FHOD3: variants seen among roughly 807,000 people sequenced by gnomAD.
FHOD3 encodes the protein formin homology 2 domain containing 3.
Under a neutral mutation model 173.0 loss-of-function variants are expected in FHOD3, and 90 were observed. The ratio of observed to expected loss-of-function variants is 0.52; its 90% CI spans 0.44 to 0.62. The LOEUF is 0.62. Ranked by LOEUF, FHOD3 falls within the 20% of genes least tolerant of loss-of-function variation. The pLI, the probability that FHOD3 is intolerant of heterozygous loss-of-function variation, is 0.00. For synonymous variants in FHOD3, 828 were observed against 823.0 expected, an observed-to-expected ratio of 1.01 and a Z score of -0.10; for missense variants, 1,945 against 2,034.7, an observed-to-expected ratio of 0.96 and a Z score of 0.85.
chr18:36,636,560 T>A (rs2034899118), intron 10 of FHOD3, among the ~76,000 whole-genome samples: 2 of 152,162 alleles, frequency 1.3e-5, no homozygotes, highest in South Asian at 4.2e-4. Context: ...AAAGACATGA[T>A]AGCTCAGTGA....
intron 14 of FHOD3, among the ~76,000 whole-genome samples, chr18:36,665,459 G>T (rs997209377): frequency 6.6e-6 from 1 of 152,158 alleles, no homozygotes; most frequent in Non-Finnish European, 1.5e-5. Context: ...AAAGAGAGAG[G>T]CAATCAAACT....
intron 1 of FHOD3, among the ~76,000 whole-genome samples, chr18:36,338,143 G>A (rs942773269): frequency 6.6e-6 from 1 of 152,254 alleles, no homozygotes; most frequent in African/African-American, 2.4e-5. Flanking sequence ...GAGAACATTA[G>A]TGTTATGTAC....
intron 1 of FHOD3, among the ~76,000 whole-genome samples, chr18:36,328,318 T>C (rs500871): frequency 0.77 from 117,125 of 151,920 alleles, 45,409 homozygotes; most frequent in Middle Eastern, 0.84. Flanking sequence ...TCCAACAGGG[T>C]GGGAGAGAGG....
intron 18 of FHOD3, among the ~76,000 whole-genome samples, chr18:36,715,304 C>T (rs1276831566): frequency 6.6e-6 from 1 of 152,226 alleles, no homozygotes; most frequent in Non-Finnish European, 1.5e-5. Context: ...GCGCTTCCCT[C>T]TTTGCTGGGC....
At chr18:36,719,791 G>C (rs1175421274) in intron 19 of FHOD3, among the ~76,000 whole-genome samples, 1 of 152,192 alleles carries the variant, frequency 6.6e-6, no homozygotes, top group East Asian at 1.9e-4. Context: ...GAGCCCTTCA[G>C]ACGAGGAGCA....
intron 23 of FHOD3, among the ~76,000 whole-genome samples, chr18:36,745,400 G>A (rs551805954): frequency 5.3e-5 from 8 of 152,168 alleles, no homozygotes; most frequent in African/African-American, 9.6e-5. Context: ...GCCTAAACTC[G>A]CCTTCTCTTT....
At chr18:36,313,750 G>A (rs533147600) in intron 1 of FHOD3, among the ~76,000 whole-genome samples, 2 of 152,282 alleles carry the variant, frequency 1.3e-5, no homozygotes, top group South Asian at 4.1e-4. Flanking sequence ...TAGAGATTTT[G>A]TGTGAACCTA....
chr18:36,353,534 A>ATGTGG (rs2046229080), intron 1 of FHOD3, among the ~76,000 whole-genome samples: 1 of 152,184 alleles, frequency 6.6e-6, no homozygotes, highest in Non-Finnish European at 1.5e-5. Flanking sequence ...AGATGTTTTA[A>ATGTGG]AGTAACCACA....
In FHOD3 at chr18:36,599,426, A is replaced by C. The variant is rs78706042; in HGVS notation, c.719-3248A>C. Among the ~76,000 whole-genome samples, 833 of 152,332 alleles carry C rather than the reference A, an allele frequency of 5.5e-3. 25 individuals carry two copies. The East Asian group carries it at 0.062, about 11-fold the overall frequency. The stretch of plus-strand genomic sequence containing the variant: ...ATCCCATCTCTACTTTCTGCTTAAG[A>C]GTATATCTATCTGTGAAGATCGTGT... On this transcript the variant is annotated intron_variant, in intron 7 of 28. Transcript: ENST00000590592.
At chr18:36,753,350 CAA>C (rs922967409) in intron 24 of FHOD3, among the ~76,000 whole-genome samples, 27 of 152,266 alleles carry the variant, frequency 1.8e-4, no homozygotes, top group Admixed American at 7.8e-4. Context: ...ACTAGAGTCA[CAA>C]GAGATGAAGT....
intron 17 of FHOD3, among the ~76,000 whole-genome samples, chr18:36,702,272 G>A (rs7239021): frequency 0.52 from 79,700 of 151,884 alleles, 21,114 homozygotes; most frequent in African/African-American, 0.56. Flanking sequence ...TAAACATCCT[G>A]CAGCTCATGA....
chr18:36,686,984 TA>T, intron 15 of FHOD3, 143 bp from the exon 16 acceptor site: 2 of 584,408 alleles, frequency 3.4e-6, no homozygotes, highest in Non-Finnish European at 3.0e-6. Flanking sequence ...TTTAAACTTT[TA>T]AAAATTCAGC....
At chr18:36,535,793 A>T (rs1281220880) in intron 5 of FHOD3, among the ~76,000 whole-genome samples, 1 of 152,078 alleles carries the variant, frequency 6.6e-6, no homozygotes, top group Non-Finnish European at 1.5e-5. Flanking sequence ...TTGCCAGTTT[A>T]TTTATATTAT....
chr18:36,658,044 T>C (rs780360330), intron 13 of FHOD3, 31 bp from the exon 14 acceptor site: 37 of 1,483,906 alleles, frequency 2.5e-5, no homozygotes, highest in Admixed American at 2.4e-4. Flanking sequence ...TCTATCCTTT[T>C]CCCCCCAACT....
intron 10 of FHOD3, among the ~76,000 whole-genome samples, chr18:36,645,975 G>T (rs997433896): frequency 1.4e-4 from 22 of 152,102 alleles, no homozygotes; most frequent in Non-Finnish European, 2.8e-4. Context: ...AAAAATCTAT[G>T]ACAAACCTTA....
chr18:36,495,239 C>A (rs939837970), intron 3 of FHOD3, among the ~76,000 whole-genome samples: 1 of 152,130 alleles, frequency 6.6e-6, no homozygotes, highest in Non-Finnish European at 1.5e-5. Flanking sequence ...CTGTGCCCGG[C>A]CTTTTTATGC....
intron 1 of FHOD3, among the ~76,000 whole-genome samples, chr18:36,336,033 G>A (rs2045291167): frequency 6.6e-6 from 1 of 152,142 alleles, no homozygotes; most frequent in African/African-American, 2.4e-5. Context: ...ACACACATCT[G>A]GTGCTGCAGT....
At chr18:36,643,801 CTTGAT>C (rs2035495187) in intron 10 of FHOD3, among the ~76,000 whole-genome samples, 1 of 152,072 alleles carries the variant, frequency 6.6e-6, no homozygotes, top group Non-Finnish European at 1.5e-5. Context: ...TTCATATATT[CTTGAT>C]TTGAGTTTGT....
intron 5 of FHOD3, among the ~76,000 whole-genome samples, chr18:36,543,371 C>G (rs1446465408): frequency 1.3e-5 from 2 of 152,062 alleles, no homozygotes; most frequent in Admixed American, 1.3e-4. Flanking sequence ...CTAATACATT[C>G]CCCTTTCAGA....
Sources: gnomAD v4.1 joint callset for allele counts (sites outside exome capture counted in the v4.1 genomes callset) on GRCh38, gnomAD v4.1.1 for gene constraint, MANE v1.5 for transcripts, NCBI Gene and HGNC (gene_info 2026-07-23, HGNC 2026-07-21) for gene names.